RGS6: variants seen among roughly 807,000 people sequenced by gnomAD.
RGS6 encodes regulator of G protein signaling 6.
Under a neutral mutation model 78.5 loss-of-function variants are expected in RGS6, and 30 were observed. That is an observed-to-expected ratio of 0.38 (90% CI 0.29 to 0.52). RGS6 has a LOEUF of 0.52. Ranked by LOEUF, RGS6 falls within the 20% of genes least tolerant of loss-of-function variation. The probability of loss-of-function intolerance (pLI) is 0.85; values close to 1 mark genes in which losing one functional copy is unlikely to be tolerated. For synonymous variants in RGS6, 206 were observed against 206.0 expected (o/e 1.00, Z 0.00); for missense variants, 495 against 609.7 (o/e 0.81, Z 1.98).
intron 2 of RGS6, among the ~76,000 whole-genome samples, chr14:72,282,026 G>GTAGGCT (rs1281757274): frequency 1.3e-5 from 2 of 152,218 alleles, no homozygotes; most frequent in Admixed American, 1.3e-4. Context: ...TGGAGCAACT[G>GTAGGCT]TAGGCTTTTT....
intron 2 of RGS6, among the ~76,000 whole-genome samples, chr14:72,350,877 T>C (rs2078993534): frequency 6.6e-6 from 1 of 152,220 alleles, no homozygotes; most frequent in Non-Finnish European, 1.5e-5. Flanking sequence ...AATGTGTGTA[T>C]AATACTTAGA....
At chr14:72,510,509 T>C (rs555905391) in intron 14 of RGS6, among the ~76,000 whole-genome samples, 1 of 152,372 alleles carries the variant, frequency 6.6e-6, no homozygotes, top group East Asian at 1.9e-4. Context: ...CTATATGACC[T>C]TTGTGCGACT....
chr14:72,298,231 G>T (rs1194000075), intron 2 of RGS6, among the ~76,000 whole-genome samples: 1 of 151,660 alleles, frequency 6.6e-6, no homozygotes, highest in Non-Finnish European at 1.5e-5. Context: ...TGGCCATTTG[G>T]TTTTTCTCCT....
intron 17 of RGS6, chr14:72,547,093 C>A: frequency 7.5e-7 from 1 of 1,333,936 alleles, no homozygotes; most frequent in Non-Finnish European, 1.0e-6. Context: ...AGTGCAGGGC[C>A]CCCCGCAGGA....
intron 2 of RGS6, among the ~76,000 whole-genome samples, chr14:72,141,524 C>T (rs1486249881): frequency 6.6e-6 from 1 of 152,160 alleles, no homozygotes; most frequent in Non-Finnish European, 1.5e-5. Context: ...ATCTGGAGCT[C>T]TCTAAAGTTT....
intron 3 of RGS6, among the ~76,000 whole-genome samples, chr14:72,427,181 T>C (rs2087524496): frequency 6.6e-6 from 1 of 152,228 alleles, no homozygotes; most frequent in African/African-American, 2.4e-5. Context: ...TAGGTGAATA[T>C]AGCACAATAA....
chr14:72,509,293 G>A (rs1316014589), intron 13 of RGS6, among the ~76,000 whole-genome samples: 3 of 151,520 alleles, frequency 2.0e-5, no homozygotes, highest in Non-Finnish European at 4.4e-5. Context: ...TGAACCCGGC[G>A]GGCAGAGGTT....
At chr14:72,345,651 T>TA (rs2077888694) in intron 2 of RGS6, among the ~76,000 whole-genome samples, 1 of 152,198 alleles carries the variant, frequency 6.6e-6, no homozygotes, top group Non-Finnish European at 1.5e-5. Context: ...GCCTTAACTG[T>TA]AAGCCTAGTT....
intron 2 of RGS6, among the ~76,000 whole-genome samples, chr14:72,347,465 A>G (rs2078277223): frequency 6.6e-6 from 1 of 152,250 alleles, no homozygotes; most frequent in African/African-American, 2.4e-5. Flanking sequence ...GGCCTGTGCT[A>G]AACTTTCCCT....
chr14:72,409,028 G>C (rs970117431), intron 3 of RGS6, among the ~76,000 whole-genome samples: 1 of 152,152 alleles, frequency 6.6e-6, no homozygotes, highest in Non-Finnish European at 1.5e-5. Flanking sequence ...ATATATGTCG[G>C]AGTACACTTG....
chr14:72,131,805 T>G (rs1344466211), intron 2 of RGS6, among the ~76,000 whole-genome samples: 1 of 152,216 alleles, frequency 6.6e-6, no homozygotes, highest in Non-Finnish European at 1.5e-5. Flanking sequence ...TCAATATACA[T>G]TAAAGAAAAG....
At chr14:72,470,577 T>G (rs2096048229) in intron 8 of RGS6, among the ~76,000 whole-genome samples, 1 of 152,062 alleles carries the variant, frequency 6.6e-6, no homozygotes, top group African/African-American at 2.4e-5. Flanking sequence ...ATTATTACAT[T>G]AATTAAAAGC....
chr14:72,297,429 ATTT>A (rs56203938), intron 2 of RGS6, among the ~76,000 whole-genome samples: 21 of 139,946 alleles, frequency 1.5e-4, no homozygotes, highest in African/African-American at 4.5e-4. Flanking sequence ...TATTATTATT[ATTT>A]TTTTTTTATA....
At chr14:71,954,140 T>C (rs1354890716) in intron 1 of RGS6, among the ~76,000 whole-genome samples, 1 of 151,848 alleles carries the variant, frequency 6.6e-6, no homozygotes, top group Non-Finnish European at 1.5e-5. Flanking sequence ...TATACCTAGA[T>C]GTAGTTTTTC....
At chr14:72,595,316 A>G in the RGS6 span, among the ~76,000 whole-genome samples, 2 of 152,160 alleles carry the variant, frequency 1.3e-5, no homozygotes, top group Admixed American at 1.3e-4. Context: ...ATATTAAGCA[A>G]CCCGTATGTG....
At chr14:72,084,897 A>T (rs2094963650) in intron 2 of RGS6, among the ~76,000 whole-genome samples, 2 of 152,204 alleles carry the variant, frequency 1.3e-5, no homozygotes. Context: ...AAAATATTTG[A>T]CCAGGTGGGA....
At chr14:72,071,194 G>A (rs968795830) in intron 2 of RGS6, among the ~76,000 whole-genome samples, 7 of 151,934 alleles carry the variant, frequency 4.6e-5, no homozygotes, top group African/African-American at 1.5e-4. Flanking sequence ...TTGGTTTCCC[G>A]CAACATTTCT....
chr14:72,257,135 C>G (rs1257515228), intron 2 of RGS6, among the ~76,000 whole-genome samples: 2 of 152,138 alleles, frequency 1.3e-5, no homozygotes, highest in Non-Finnish European at 2.9e-5. Flanking sequence ...TTTAATATCC[C>G]TCATAGTTAA....
At chr14:72,171,673 C>T (rs898461443) in intron 2 of RGS6, among the ~76,000 whole-genome samples, 1 of 152,142 alleles carries the variant, frequency 6.6e-6, no homozygotes, top group Non-Finnish European at 1.5e-5. Context: ...AACTTCATAA[C>T]CCAAGAGCAC....
Sources: allele counts gnomAD v4.1 joint callset (sites outside exome capture counted in the v4.1 genomes callset), GRCh38; gene constraint gnomAD v4.1.1; transcripts MANE v1.5; gene names NCBI Gene and HGNC (gene_info 2026-07-23, HGNC 2026-07-21).